PRR27: variants seen among roughly 807,000 people sequenced by gnomAD.
PRR27 encodes proline-rich protein 27.
PRR27 carries 12 observed loss-of-function variants against 16.8 expected under a neutral mutation model. The observed-to-expected ratio is 0.71, with a 90% CI of 0.46 to 1.16. The LOEUF (loss-of-function observed/expected upper bound fraction) is 1.16, where lower values mean the gene tolerates loss of function less well. PRR27 is among the 50% of genes most tolerant of loss of function. The probability of loss-of-function intolerance (pLI) is 0.00; values close to 1 mark genes in which losing one functional copy is unlikely to be tolerated. For missense variants in PRR27, 277 were observed against 273.3 expected, an observed-to-expected ratio of 1.01 and a Z score of -0.10; for synonymous variants, 100 against 98.4, an observed-to-expected ratio of 1.02 and a Z score of -0.10.
chr4:70,163,884 CTTT>C lies in PRR27; in HGVS notation c.*1235_*1237del, dbSNP rs71210152. 14 of 144,846 alleles carry C rather than the reference CTTT, an allele frequency of 9.7e-5. No individual in the cohort carries two copies. The highest frequency in any genetic ancestry group is 1.5e-4 in the African/African-American group (6 of 39,404). 9.0% of individuals were successfully genotyped at this position (144,846 alleles called of 1,614,324 possible). ...TTGCCCCATGCTCCTCATGCAGCAG[CTTT>C]TTTTTTTTTTTCCTTTTTCAAATAT... is the stretch of plus-strand genomic sequence containing the variant. On this transcript the variant is annotated 3_prime_UTR_variant, in exon 5 of 5. Coordinates refer to ENST00000344526, the MANE Select transcript of PRR27 (RefSeq NM_214711.4).
chr4:70,156,090 T>C lies in PRR27; in HGVS notation c.75+13T>C. On this transcript the variant is annotated intron_variant, in intron 2 of 4. Coordinates refer to ENST00000344526, the MANE Select transcript of PRR27 (RefSeq NM_214711.4). ...CTTCATTGGTGAGGTAAAACTTTTTTTTCTTTACACGCAAGTATATTTGTT... is the reference window on the plus strand; with the variant it reads ...CTTCATTGGTGAGGTAAAACTTTTTCTTCTTTACACGCAAGTATATTTGTT... The C allele has an allele frequency of 7.2e-7, 1 of 1,387,774 alleles. No homozygotes were observed. Among genetic ancestry groups the C allele is most frequent in the Non-Finnish European group, 9.7e-7 (1 of 1,033,230 alleles). The allele number at this position is 1,387,774 out of a possible 1,614,324, so 86.0% of individuals were successfully genotyped here. A position where few individuals can be genotyped will look rare whatever the true frequency, so the allele number is the denominator to read the frequency against.
rs149805235 is a variant in PRR27 at position 70,158,411 on chromosome 4, T to A, written c.159T>A (p.Tyr53Ter). Residue 53 changes from tyrosine (Y) to a stop codon, truncating the protein, a stop_gained, in exon 3 of 5, where the codon TAT becomes TAA. Transcript: ENST00000344526. LOFTEE classifies it high-confidence loss of function. The stretch of plus-strand genomic sequence containing the variant: ...GGAATTTACCACCTCCTCTTTATTA[T>A]CGCCCAGTGAATACAGTCCCCAGTT... ...GIRNLPPPLYYRPVNTVPSYP... is the reference protein window; with the variant it reads ...GIRNLPPPLY 38 of 1,613,892 alleles carry A rather than the reference T, an allele frequency of 2.4e-5. No homozygotes were observed. In the African/African-American group the frequency reaches 4.5e-4, roughly 19 times the overall value.
rs1380223174 is a variant in PRR27 at position 70,154,388 on chromosome 4, CT to C, written c.16del (p.Trp6GlyfsTer33). On this transcript the variant is annotated frameshift_variant, in exon 1 of 5. Coordinates refer to ENST00000344526, the MANE Select transcript of PRR27 (RefSeq NM_214711.4). LOFTEE classifies it high-confidence loss of function. MKLL[L>X]WACIVCVAFA... ...AGGGTCAATCAAAATGAAGCTTCTC[CT>C]TTGGGCCTGCATTGTATGTGTTGCT... 11 of 1,612,442 alleles carry C rather than the reference CT, an allele frequency of 6.8e-6. No homozygotes were observed. The highest frequency in any genetic ancestry group is 9.3e-6 in the Non-Finnish European group (11 of 1,178,872).
Position 70,158,434 on chromosome 4 carries a change from G to A in PRR27, c.182G>A (p.Ser61Asn). The change falls in exon 3 of 5, where the codon AGT becomes AAT. Residue 61 changes from serine to asparagine, a missense_variant. Ser to Asn is a conservative substitution (Grantham distance 46, BLOSUM62 1). Coordinates refer to ENST00000344526, the MANE Select transcript of PRR27 (RefSeq NM_214711.4). ...LYYRPVNTVP[S>N]YPGNTYTDTG... ...TATCGCCCAGTGAATACAGTCCCCA[G>A]TTACCCTGGGAATACTTACACTGAC... 1 of 1,613,980 alleles carries A rather than the reference G, an allele frequency of 6.2e-7. No individual in the cohort carries two copies. The highest frequency in any genetic ancestry group is 1.1e-5 in the South Asian group (1 of 91,076).
chr4:70,160,548 C>A (rs1728624168), intron 3 of PRR27, among the ~76,000 whole-genome samples: 4 of 151,656 alleles, frequency 2.6e-5, no homozygotes, highest in Middle Eastern at 6.8e-3. Context: ...ACCTACCTTG[C>A]TTCCTGTCTC....
In PRR27 at chr4:70,164,925, T is replaced by A. The variant is rs1047902922; in HGVS notation, c.*2264T>A. 6.6e-6 allele frequency: 1 copy of A among 152,126 alleles called. No individual in the cohort carries two copies. Among genetic ancestry groups the A allele is most frequent in the African/African-American group, 2.4e-5 (1 of 41,456 alleles). The allele number at this position is 152,126 out of a possible 1,614,324, so 9.4% of individuals were successfully genotyped here. A position where few individuals can be genotyped will look rare whatever the true frequency, so the allele number is the denominator to read the frequency against. On this transcript the variant is annotated 3_prime_UTR_variant, in exon 5 of 5. Transcript: ENST00000344526. ...TGGAATTTTAAAAATAAACATGACA[T>A]CTTATCATGAGAAACATTTACAGTT...
Position 70,158,581 on chromosome 4 carries a change from C to G in PRR27, c.329C>G (p.Pro110Arg), listed in dbSNP as rs539012203. ...CCTCCTCTCCCTCCTAGGGGTTTCCCGTTTGTCCCTCCTTCAAGGTTTTTT... is the reference window on the plus strand; with the variant it reads ...CCTCCTCTCCCTCCTAGGGGTTTCCGGTTTGTCCCTCCTTCAAGGTTTTTT... ...NVPPLPPRGF[P>R]FVPPSRFFSA... is the part of the protein sequence containing the mutation. Residue 110 changes from proline to arginine, a missense_variant, in exon 3 of 5, where the codon CCG becomes CGG. Pro to Arg is a moderately radical substitution (Grantham distance 103). Coordinates refer to ENST00000344526, the MANE Select transcript of PRR27 (RefSeq NM_214711.4). 1 of 1,614,116 alleles carries G rather than the reference C, an allele frequency of 6.2e-7. No individual in the cohort carries two copies. Among genetic ancestry groups the G allele is most frequent in the Non-Finnish European group, 8.5e-7 (1 of 1,180,020 alleles).
intron 1 of PRR27, 56 bp downstream of exon 1, chr4:70,154,482 T>C (rs1728431954): frequency 1.5e-6 from 2 of 1,368,262 alleles, no homozygotes; most frequent in Non-Finnish European, 2.1e-6. Flanking sequence ...GCTAATTGTT[T>C]ATAGGCATTT....
In PRR27 at chr4:70,166,312, T is replaced by C. The variant is rs1218501998; in HGVS notation, c.*3651T>C. On this transcript the variant is annotated 3_prime_UTR_variant, in exon 5 of 5. Transcript: ENST00000344526. ...TTATCTCAGACCTTTGCAAGTAGCCTGAATAAAACTTTTCATTATTTATAT... is the reference window on the plus strand; with the variant it reads ...TTATCTCAGACCTTTGCAAGTAGCCCGAATAAAACTTTTCATTATTTATAT... The C allele has an allele frequency of 1.3e-5, 2 of 152,056 alleles. No homozygotes were observed. Among genetic ancestry groups the C allele is most frequent in the East Asian group, 3.8e-4 (2 of 5,200 alleles). The allele number at this position is 152,056 out of a possible 1,614,324, so 9.4% of individuals were successfully genotyped here.
intron 3 of PRR27, 41 bp from the exon 4 acceptor site, chr4:70,161,545 T>C (rs1204868910): frequency 7.6e-7 from 1 of 1,319,230 alleles, no homozygotes; most frequent in South Asian, 1.3e-5. Context: ...TAAAGTACAT[T>C]TGATTGTTTA....
rs527588905 is a variant in PRR27 at position 70,161,179 on chromosome 4, T to TATATATATAC, written c.649-406_649-405insTATATATACA. 8.4e-3 allele frequency among the ~76,000 whole-genome samples: 909 copies of TATATATATAC among 107,630 alleles called. 14 individuals carry two copies. The highest frequency in any genetic ancestry group is 0.02 in the African/African-American group (581 of 28,972). 70.6% of individuals were successfully genotyped at this position (107,630 alleles called of 152,430 possible). A position where few individuals can be genotyped will look rare whatever the true frequency, so the allele number is the denominator to read the frequency against. On this transcript the variant is annotated intron_variant, in intron 3 of 4. Transcript: ENST00000344526. ...CTGTATATATATATATATATATATA[T>TATATATATAC]ACACACATACATATATATACACGTA... is the stretch of plus-strand genomic sequence containing the variant.
At position 70,158,305 on chromosome 4, in the gene PRR27, C is replaced by T. The variant is rs772231221; in HGVS notation, c.76-23C>T. 7.8e-5 allele frequency: 116 copies of T among 1,483,586 alleles called. 1 individual carries two copies. The highest frequency in any genetic ancestry group is 5.8e-4 in the South Asian group (49 of 84,842). 91.9% of individuals were successfully genotyped at this position (1,483,586 alleles called of 1,614,324 possible). ...TAGACAGGACAAATACAATCAACTT[C>T]GACTTCTTTGTTTCTCCTTTAGGAT... is the stretch of plus-strand genomic sequence containing the variant. On this transcript the variant is annotated intron_variant, in intron 2 of 4. Transcript: ENST00000344526.
chr4:70,160,437 CTCTCTCTGTG>C (rs1728617127), intron 3 of PRR27, among the ~76,000 whole-genome samples: 1 of 77,928 alleles, frequency 1.3e-5, no homozygotes, highest in Non-Finnish European at 2.6e-5. Context: ...CTCTCTCTCT[CTCTCTCTGTG>C]TGTGTGTGTG....
At chr4:70,155,603 C>T (rs1045647223) in intron 1 of PRR27, among the ~76,000 whole-genome samples, 1 of 152,030 alleles carries the variant, frequency 6.6e-6, no homozygotes, top group Non-Finnish European at 1.5e-5. Flanking sequence ...CTCCTGACCT[C>T]GTGATCCGCC....
Position 70,158,315 on chromosome 4 carries a change from G to C in PRR27, c.76-13G>C. 1 of 1,573,618 alleles carries C rather than the reference G, an allele frequency of 6.4e-7. No individual in the cohort carries two copies. Among genetic ancestry groups the C allele is most frequent in the Non-Finnish European group, 8.7e-7 (1 of 1,147,814 alleles). On this transcript the variant is annotated splice_polypyrimidine_tract_variant and intron_variant, in intron 2 of 4. Coordinates refer to ENST00000344526, the MANE Select transcript of PRR27 (RefSeq NM_214711.4). ...AAATACAATCAACTTCGACTTCTTT[G>C]TTTCTCCTTTAGGATGACAATGACG...
In PRR27 at chr4:70,158,680, C is replaced by T. The variant is rs1434519365; in HGVS notation, c.428C>T (p.Pro143Leu). 2 of 1,614,068 alleles carry T rather than the reference C, an allele frequency of 1.2e-6. No homozygotes were observed. Among genetic ancestry groups the T allele is most frequent in the Non-Finnish European group, 1.7e-6 (2 of 1,179,998 alleles). The change falls in exon 3 of 5, where the codon CCT becomes CTT. Residue 143 changes from proline to leucine, a missense_variant. Coordinates refer to ENST00000344526, the MANE Select transcript of PRR27 (RefSeq NM_214711.4). ...PAAAAPLTAT[P>L]VAAEPAAGAP... ...GCAGCTGCACCTCTTACAGCCACAC[C>T]TGTAGCAGCTGAGCCTGCTGCAGGG...
chr4:70,156,252 G>T (rs928402671), intron 2 of PRR27, among the ~76,000 whole-genome samples, 175 bp downstream of exon 2: 16 of 152,144 alleles, frequency 1.1e-4, no homozygotes, highest in Non-Finnish European at 1.5e-4. Context: ...GAATATGTTT[G>T]TGTTCAACAT....
chr4:70,157,501 T>C (rs1514398), intron 2 of PRR27, among the ~76,000 whole-genome samples: 82,988 of 150,446 alleles, frequency 0.55, 23,149 homozygotes, highest in Non-Finnish European at 0.59. Context: ...GTCTGCTCAC[T>C]GTCTTGTTTA....
At position 70,163,126 on chromosome 4, in the gene PRR27, A is replaced by G. The variant is rs1728683528; in HGVS notation, c.*465A>G. On this transcript the variant is annotated 3_prime_UTR_variant, in exon 5 of 5. Coordinates refer to ENST00000344526, the MANE Select transcript of PRR27 (RefSeq NM_214711.4). ...AACTATGCTATCCATGACTTAATGG[A>G]CAGTTCAAATGTGACATCTACAGTT... is the stretch of plus-strand genomic sequence containing the variant. The G allele has an allele frequency of 6.6e-6, 1 of 152,206 alleles. No individual in the cohort carries two copies. The allele number at this position is 152,206 out of a possible 1,614,324, so 9.4% of individuals were successfully genotyped here.
Sources: gnomAD v4.1 joint callset for allele counts (sites outside exome capture counted in the v4.1 genomes callset) on GRCh38, gnomAD v4.1.1 for gene constraint, MANE v1.5 for transcripts, NCBI Gene and HGNC (gene_info 2026-07-23, HGNC 2026-07-21) for gene names.